Variants in DNAJC13 observed in about 807,000 individuals in gnomAD.
DNAJC13 encodes dnaJ homolog subfamily C member 13.
In DNAJC13, 75 loss-of-function variants were observed where a neutral mutation model predicts 290.5. The ratio of observed to expected loss-of-function variants is 0.26; its 90% CI spans 0.21 to 0.31. DNAJC13 has a LOEUF of 0.31. Ranked by LOEUF, DNAJC13 falls within the 10% of genes least tolerant of loss-of-function variation. The pLI, the probability that DNAJC13 is intolerant of heterozygous loss-of-function variation, is 1.00. For missense variants in DNAJC13, 2,260 were observed against 2,674.5 expected (o/e 0.85, Z 3.42); for synonymous variants, 862 against 892.0 (o/e 0.97, Z 0.60).
intron 1 of DNAJC13, among the ~76,000 whole-genome samples, chr3:132,417,996 CT>C: frequency 6.6e-6 from 1 of 152,048 alleles, no homozygotes; most frequent in African/African-American, 2.4e-5. Flanking sequence ...AGCCCCACCC[CT>C]TTTTTTTGCT....
chr3:132,520,257 G>T (rs1936049935), intron 48 of DNAJC13, among the ~76,000 whole-genome samples: 1 of 152,174 alleles, frequency 6.6e-6, no homozygotes, highest in Non-Finnish European at 1.5e-5. Context: ...TGAACAAATG[G>T]ATGTGGCTGT....
intron 25 of DNAJC13, among the ~76,000 whole-genome samples, chr3:132,479,713 CTG>C (rs535143931): frequency 6.6e-5 from 10 of 152,032 alleles, no homozygotes; most frequent in South Asian, 2.1e-4. Context: ...TCATTTTACT[CTG>C]TATTTTCTTT....
intron 6 of DNAJC13, 29 bp downstream of exon 6, chr3:132,450,876 C>A (rs1345285571): frequency 8.8e-6 from 11 of 1,253,560 alleles, no homozygotes; most frequent in African/African-American, 1.5e-5. Context: ...AAAAAAAACA[C>A]TTTAAAAGGG....
intron 41 of DNAJC13, 76 bp downstream of exon 41, chr3:132,503,457 T>C: frequency 1.2e-5 from 18 of 1,521,986 alleles, no homozygotes; most frequent in Non-Finnish European, 1.6e-5. Context: ...TACAATAATA[T>C]TGATCTAGGG....
chr3:132,484,809 C>G, intron 29 of DNAJC13, 137 bp downstream of exon 29: 1 of 749,908 alleles, frequency 1.3e-6, no homozygotes, highest in South Asian at 1.7e-5. Flanking sequence ...AGTCTCACAC[C>G]TCCAATCCCA....
intron 46 of DNAJC13, 88 bp downstream of exon 46, chr3:132,514,758 A>G: frequency 1.1e-6 from 1 of 881,256 alleles, no homozygotes; most frequent in Non-Finnish European, 1.8e-6. Flanking sequence ...ACCTCAAACA[A>G]ATGTCATCTA....
At chr3:132,418,166 C>T (rs1406557165) in intron 1 of DNAJC13, among the ~76,000 whole-genome samples, 1 of 152,136 alleles carries the variant, frequency 6.6e-6, no homozygotes, top group Non-Finnish European at 1.5e-5. Context: ...CTTGGGTCAG[C>T]GACCCTCCTT....
intron 29 of DNAJC13, among the ~76,000 whole-genome samples, chr3:132,487,579 T>TTTTA (rs397818337): frequency 1.3e-5 from 2 of 150,336 alleles, no homozygotes; most frequent in Non-Finnish European, 2.9e-5. Flanking sequence ...TTTTTTTTTT[T>TTTTA]ACTGGGAGCA....
At chr3:132,505,508 T>A (rs1935556164) in intron 42 of DNAJC13, 93 bp downstream of exon 42, 1 of 820,680 alleles carries the variant, frequency 1.2e-6, no homozygotes, top group Admixed American at 2.7e-5. Flanking sequence ...ATCCACTACT[T>A]CTCACTTTAG....
At position 132,473,137 on chromosome 3, in the gene DNAJC13, T is replaced by G. The variant is rs773661049; in HGVS notation, c.2209-8T>G. The G allele has an allele frequency of 5.0e-6, 8 of 1,603,750 alleles. No homozygotes were observed. Among genetic ancestry groups the G allele is most frequent in the Non-Finnish European group, 6.8e-6 (8 of 1,175,118 alleles). On this transcript the variant is annotated splice_polypyrimidine_tract_variant and splice_region_variant and intron_variant, in intron 20 of 55. Transcript: ENST00000260818. Reference sequence around the variant, plus strand: ...GATTGAGCACTATGAAGTTTTTTTCTGTTCCAGAATATAAATCAGAAGCCA... The same window carrying G: ...GATTGAGCACTATGAAGTTTTTTTCGGTTCCAGAATATAAATCAGAAGCCA...
At position 132,488,335 on chromosome 3, in the gene DNAJC13, T is replaced by C. The variant is rs751658169; in HGVS notation, c.3305T>C (p.Val1102Ala). ...TTTGACCCTATCCTTGTTGAGAAGG[T>C]TGCTATTTTGTTATACCATATCATG... ...LTFDPILVEK[V>A]AILLYHIMQD... Residue 1102 changes from valine to alanine, a missense_variant, in exon 30 of 56, where the codon GTT (valine) becomes GCT (alanine). This residue lies in a region of DNAJC13 where 1,494 missense variants were observed against 1,693.7 expected (regional missense o/e 0.88). Coordinates refer to ENST00000260818, the MANE Select transcript of DNAJC13 (RefSeq NM_015268.4). 1.9e-6 allele frequency: 3 copies of C among 1,612,852 alleles called. No individual in the cohort carries two copies. In the Admixed American group the frequency reaches 5.0e-5, roughly 27 times the overall value.
At chr3:132,496,501 C>G (rs777088556) in intron 35 of DNAJC13, 27 bp from the exon 36 acceptor site, 35 of 1,529,270 alleles carry the variant, frequency 2.3e-5, no homozygotes, top group Non-Finnish European at 3.0e-5. Context: ...TCCAAATTAA[C>G]GTTAAATTAT....
intron 1 of DNAJC13, among the ~76,000 whole-genome samples, chr3:132,432,446 C>T (rs1041618459): frequency 2.0e-5 from 3 of 152,120 alleles, no homozygotes; most frequent in Non-Finnish European, 2.9e-5. Flanking sequence ...CTCAGGTGAT[C>T]CACCTATGTC....
At chr3:132,477,955 T>G in intron 23 of DNAJC13, 26 bp from the exon 24 acceptor site, 5 of 1,601,264 alleles carry the variant, frequency 3.1e-6, no homozygotes, top group Non-Finnish European at 4.2e-6. Flanking sequence ...CTATTTCTAT[T>G]GTGAACTTTT....
At position 132,484,573 on chromosome 3, in the gene DNAJC13, G is replaced by A. The variant is rs751024133; in HGVS notation, c.3183-15G>A. The A allele has an allele frequency of 6.2e-7, 1 of 1,612,144 alleles. No homozygotes were observed. Among genetic ancestry groups the A allele is most frequent in the Non-Finnish European group, 8.5e-7 (1 of 1,178,310 alleles). On this transcript the variant is annotated splice_polypyrimidine_tract_variant and intron_variant, in intron 28 of 55. Transcript: ENST00000260818. ...ACAAATATATTAAATGTTGACGTGAGAAAATGTTTTCTAGGGATCAAGACA... is the reference window on the plus strand; with the variant it reads ...ACAAATATATTAAATGTTGACGTGAAAAAATGTTTTCTAGGGATCAAGACA...
In DNAJC13 at chr3:132,482,333, A is replaced by G. The variant is rs75803244; in HGVS notation, c.2979+3A>G. On this transcript the variant is annotated splice_donor_region_variant and intron_variant, in intron 27 of 55. Transcript: ENST00000260818. Reference sequence around the variant, plus strand: ...GTGGCCCGTATGGATTTCATGAGGTATGTATCTTGGAGATACTTTTGGTGA... The same window carrying G: ...GTGGCCCGTATGGATTTCATGAGGTGTGTATCTTGGAGATACTTTTGGTGA... The G allele has an allele frequency of 1.1e-3, 1,698 of 1,611,736 alleles. 19 individuals carry two copies. The African/African-American group carries it at 0.019, about 18-fold the overall frequency.
rs185502283 is a variant in DNAJC13, at chr3:132,454,208, G to T, written c.932+51G>T. The T allele has an allele frequency of 8.4e-5, 111 of 1,320,980 alleles. No homozygotes were observed. The Middle Eastern group carries it at 2.8e-3, about 33-fold the overall frequency. 81.8% of individuals were successfully genotyped at this position (1,320,980 alleles called of 1,614,324 possible). ...AAATCCTAGTTGTGCAAGGCAAAGT[G>T]CTTGGTCAACAAGGAAAACCAAAGA... On this transcript the variant is annotated intron_variant, in intron 9 of 55. Transcript: ENST00000260818.
rs148054146 is a variant in DNAJC13, at chr3:132,454,470, C to T, written c.932+313C>T. On this transcript the variant is annotated intron_variant, in intron 9 of 55. Coordinates refer to ENST00000260818, the MANE Select transcript of DNAJC13 (RefSeq NM_015268.4). The stretch of plus-strand genomic sequence containing the variant: ...ACAAGTAGCTGGGATTACAGGTGTG[C>T]GCCACCACGCCCAGCTAATTTTTTT... 2.8e-4 allele frequency among the ~76,000 whole-genome samples: 43 copies of T among 151,610 alleles called. No individual in the cohort carries two copies. The East Asian group carries it at 3.9e-3, about 14-fold the overall frequency.
At chr3:132,521,478 T>C (rs748542804) in intron 48 of DNAJC13, among the ~76,000 whole-genome samples, 1 of 152,254 alleles carries the variant, frequency 6.6e-6, no homozygotes, top group African/African-American at 2.4e-5. Context: ...CACAGATCAC[T>C]GACTTAATGA....
Sources: allele counts gnomAD v4.1 joint callset (sites outside exome capture counted in the v4.1 genomes callset), GRCh38; gene constraint gnomAD v4.1.1; regional missense constraint gnomAD v4.1.1; transcripts MANE v1.5; gene names NCBI Gene and HGNC (gene_info 2026-07-23, HGNC 2026-07-21).